The following GALNT16 variants were observed in gnomAD, a reference collection of about 807,000 sequenced individuals.
GALNT16 encodes UDP-GalNAc:polypeptide N-acetylgalactosaminyltransferase-like protein 1.
Under a neutral mutation model 76.1 loss-of-function variants are expected in GALNT16, and 40 were observed. That is an observed-to-expected ratio of 0.53 (90% CI 0.41 to 0.68). The LOEUF (loss-of-function observed/expected upper bound fraction) is 0.68. Ranked by LOEUF, GALNT16 falls within the 30% of genes least tolerant of loss-of-function variation. The pLI, the probability that GALNT16 is intolerant of heterozygous loss-of-function variation, is 0.00. For synonymous variants in GALNT16, 276 were observed against 285.2 expected, an observed-to-expected ratio of 0.97 and a Z score of 0.32; for missense variants, 621 against 731.9, an observed-to-expected ratio of 0.85 and a Z score of 1.75.
intron 1 of GALNT16, among the ~76,000 whole-genome samples, chr14:69,317,578 C>T (rs2045120478): frequency 6.6e-6 from 1 of 152,164 alleles, no homozygotes; most frequent in East Asian, 1.9e-4. Context: ...TCAGTATTTG[C>T]TGAGTTAATA....
At chr14:69,284,053 T>C (rs1011839539) in intron 1 of GALNT16, among the ~76,000 whole-genome samples, 7 of 152,112 alleles carry the variant, frequency 4.6e-5, no homozygotes, top group African/African-American at 1.7e-4. Context: ...TTTGGAAAAA[T>C]GGATTCCTGC....
At chr14:69,359,696 C>T (rs979842261), downstream of GALNT16, among the ~76,000 whole-genome samples, 4 of 152,312 alleles carry the variant, frequency 2.6e-5, no homozygotes, top group Admixed American at 2.0e-4. Flanking sequence ...TGTCAATGGT[C>T]CCACAGACCA....
In GALNT16 at chr14:69,353,069, A is replaced by G. The variant is rs1458949255; in HGVS notation, c.*901A>G. On this transcript the variant is annotated 3_prime_UTR_variant, in exon 15 of 15. Coordinates refer to ENST00000448469, the MANE Select transcript of GALNT16 (RefSeq NM_001168368.2). ...CAGCTAGTGCCCTGTCCCTGCCGCCAGGACCCACTGAAAGGACGGGTAGCC... is the reference window on the plus strand; with the variant it reads ...CAGCTAGTGCCCTGTCCCTGCCGCCGGGACCCACTGAAAGGACGGGTAGCC... Among the ~76,000 whole-genome samples, 1 of 152,196 alleles carries G rather than the reference A, an allele frequency of 6.6e-6. No homozygotes were observed. The highest frequency in any genetic ancestry group is 2.4e-5 in the African/African-American group (1 of 41,452).
the GALNT16 span, among the ~76,000 whole-genome samples, chr14:69,380,882 C>T: frequency 1.6e-4 from 24 of 152,254 alleles, no homozygotes; most frequent in South Asian, 4.6e-3. Context: ...AGTTAAATGC[C>T]CAATATGTTA....
intron 2 of GALNT16, among the ~76,000 whole-genome samples, chr14:69,323,009 C>G (rs1343709981): frequency 7.8e-6 from 1 of 127,430 alleles, no homozygotes; most frequent in Non-Finnish European, 1.6e-5. Context: ...CGCATGCACA[C>G]GTGTAGGGAA....
the GALNT16 span, among the ~76,000 whole-genome samples, chr14:69,368,603 T>C: frequency 6.6e-6 from 1 of 152,256 alleles, no homozygotes; most frequent in East Asian, 1.9e-4. Flanking sequence ...CTGTATGCTA[T>C]TTTAGGAGAG....
At chr14:69,324,360 C>T (rs2045248151) in intron 2 of GALNT16, among the ~76,000 whole-genome samples, 1 of 152,116 alleles carries the variant, frequency 6.6e-6, no homozygotes, top group African/African-American at 2.4e-5. Context: ...AGAGTGTGGT[C>T]AGGGCTGTAT....
At chr14:69,375,292 A>G in the GALNT16 span, among the ~76,000 whole-genome samples, 1 of 152,190 alleles carries the variant, frequency 6.6e-6, no homozygotes, top group Non-Finnish European at 1.5e-5. Flanking sequence ...TTAACATGTA[A>G]AGTGGATTTC....
chr14:69,301,466 G>T (rs773783507), intron 1 of GALNT16, among the ~76,000 whole-genome samples: 2 of 152,082 alleles, frequency 1.3e-5, no homozygotes, highest in Non-Finnish European at 2.9e-5. Flanking sequence ...TGATTCTCCT[G>T]CCTCAAACTC....
chr14:69,380,362 A>T, the GALNT16 span: 1 of 425,974 alleles, frequency 2.3e-6, no homozygotes, highest in Admixed American at 4.0e-5. Context: ...GAAAAAGAGG[A>T]GGTAACGGGG....
At chr14:69,266,351 G>A (rs1377546648) in intron 1 of GALNT16, among the ~76,000 whole-genome samples, 1 of 152,218 alleles carries the variant, frequency 6.6e-6, no homozygotes, top group East Asian at 1.9e-4. Flanking sequence ...CCATTGACAT[G>A]ATAATGTTCA....
chr14:69,272,754 T>C (rs1262399288), intron 1 of GALNT16, among the ~76,000 whole-genome samples: 1 of 152,220 alleles, frequency 6.6e-6, no homozygotes, highest in Non-Finnish European at 1.5e-5. Context: ...GTATTTTTAC[T>C]CTACTTTTTA....
chr14:69,325,245 G>A, intron 3 of GALNT16, 92 bp from the exon 4 acceptor site: 1 of 806,890 alleles, frequency 1.2e-6, no homozygotes. Context: ...CCTGGAGCTG[G>A]GCGGCTGGGG....
chr14:69,323,226 A>G (rs2045229448), intron 2 of GALNT16, among the ~76,000 whole-genome samples: 1 of 152,212 alleles, frequency 6.6e-6, no homozygotes, highest in Non-Finnish European at 1.5e-5. Flanking sequence ...GCCGAGGAGG[A>G]TCACAGAGAA....
intron 14 of GALNT16, chr14:69,351,335 C>G (rs1197001585): frequency 6.6e-6 from 1 of 152,260 alleles, no homozygotes. Flanking sequence ...AGAGCCCCAT[C>G]TAAGGCAGAG....
intron 1 of GALNT16, among the ~76,000 whole-genome samples, chr14:69,316,450 A>T (rs1444324062): frequency 6.6e-6 from 1 of 152,212 alleles, no homozygotes; most frequent in East Asian, 1.9e-4. Context: ...ATAAATAAGT[A>T]AAGCACATAT....
chr14:69,260,134 T>TCCCCC, upstream of GALNT16: 1 of 156,616 alleles, frequency 6.4e-6, no homozygotes, highest in South Asian at 1.4e-4. Context: ...TCTCTCCCTA[T>TCCCCC]CACCCCCCCG....
At chr14:69,324,552 C>G in intron 2 of GALNT16, 140 bp from the exon 3 acceptor site, 1 of 499,974 alleles carries the variant, frequency 2.0e-6, no homozygotes, top group Non-Finnish European at 3.5e-6. Context: ...GGTGGAGGCG[C>G]GGGGCCTCTG....
chr14:69,279,833 C>T (rs2044517178), intron 1 of GALNT16, among the ~76,000 whole-genome samples: 1 of 152,138 alleles, frequency 6.6e-6, no homozygotes, highest in African/African-American at 2.4e-5. Context: ...ATGGAGGGGG[C>T]CTAGGCCAAG....
Sources: gnomAD v4.1 joint callset for allele counts (sites outside exome capture counted in the v4.1 genomes callset) on GRCh38, gnomAD v4.1.1 for gene constraint, MANE v1.5 for transcripts, NCBI Gene and HGNC (gene_info 2026-07-23, HGNC 2026-07-21) for gene names.